The following STARD3NL variants were observed in gnomAD, a reference collection of about 807,000 sequenced individuals.
The protein encoded by STARD3NL is STARD3 N-terminal-like protein.
A neutral mutation model predicts 30.9 loss-of-function variants in STARD3NL; 17 were observed. The ratio of observed to expected loss-of-function variants is 0.55; its 90% CI spans 0.38 to 0.82. The LOEUF is 0.82. STARD3NL is among the 40% of genes least tolerant of loss of function. STARD3NL has a pLI of 0.00. For synonymous variants in STARD3NL, 112 were observed against 100.5 expected (o/e 1.11, Z -0.69); for missense variants, 234 against 277.6 (o/e 0.84, Z 1.12).
In STARD3NL at chr7:38,197,136, T is replaced by TTTCTTTC. The variant is rs1784937316; in HGVS notation, c.-58-10309_-58-10308insCTTTCTT. On this transcript the variant is annotated intron_variant, in intron 1 of 8. Coordinates refer to ENST00000009041, the MANE Select transcript of STARD3NL (RefSeq NM_032016.4). ...TGATCCTGTGAGATAGCATTACCTT[T>TTTCTTTC]TTTCTTTCTTTCTTTCTTTCTTTCT... Among the ~76,000 whole-genome samples the TTTCTTTC allele has an allele frequency of 6.9e-3, 779 of 112,378 alleles. 6 individuals are homozygous for TTTCTTTC. Among genetic ancestry groups the TTTCTTTC allele is most frequent in the East Asian group, 0.046 (180 of 3,922 alleles). 73.7% of individuals were successfully genotyped at this position (112,378 alleles called of 152,430 possible).
intron 8 of STARD3NL, among the ~76,000 whole-genome samples, chr7:38,229,691 A>G (rs10226230): frequency 0.54 from 81,303 of 151,940 alleles, 22,054 homozygotes; most frequent in East Asian, 0.63. Flanking sequence ...CCTCAGCCGC[A>G]TCTCTCCACC....
chr7:38,185,103 C>T (rs1784407817), intron 1 of STARD3NL, among the ~76,000 whole-genome samples: 1 of 151,900 alleles, frequency 6.6e-6, no homozygotes, highest in African/African-American at 2.4e-5. Flanking sequence ...GATTAGTGGT[C>T]TTTGTGTGAT....
Position 38,217,289 on chromosome 7 carries a change from A to G in STARD3NL, c.537A>G (p.Glu179=), listed in dbSNP as rs759719449. 3 of 1,613,950 alleles carry G rather than the reference A, an allele frequency of 1.9e-6. No homozygotes were observed. Among genetic ancestry groups the G allele is most frequent in the South Asian group, 1.1e-5 (1 of 91,074 alleles). The change falls in exon 6 of 9, where the codon GAA becomes GAG. Residue 179 remains glutamate (E), a synonymous_variant. Transcript: ENST00000009041. The part of the protein sequence containing the change: ...WFLDFKVLPQ[E]AEEENRLLIV... The stretch of plus-strand genomic sequence containing the variant: ...TGGATTTCAAAGTGTTACCTCAAGA[A>G]GCAGAAGAAGAAAACAGTAAGTTCC...
At chr7:38,201,134 A>C (rs753105737) in intron 1 of STARD3NL, among the ~76,000 whole-genome samples, 2 of 152,246 alleles carry the variant, frequency 1.3e-5, no homozygotes, top group African/African-American at 2.4e-5. Context: ...AAGAAAAGCA[A>C]GCTCACTCTC....
rs1417888575 is a variant in STARD3NL, at chr7:38,207,605, T to C, written c.101T>C (p.Met34Thr). Reference sequence around the variant, plus strand: ...CATTCCATCAACCCCACACAACTCATGGCCAGGATTGAGTCCTATGAAGGA... The same window carrying C: ...CATTCCATCAACCCCACACAACTCACGGCCAGGATTGAGTCCTATGAAGGA... The part of the protein sequence containing the change: ...NIHSINPTQL[M>T]ARIESYEGRE... Residue 34 changes from methionine to threonine, a missense_variant, in exon 2 of 9, where the codon ATG (methionine) becomes ACG (threonine). Transcript: ENST00000009041. 6.2e-7 allele frequency: 1 copy of C among 1,613,940 alleles called. No individual in the cohort carries two copies. Among genetic ancestry groups the C allele is most frequent in the African/African-American group, 1.3e-5 (1 of 74,912 alleles).
intron 7 of STARD3NL, among the ~76,000 whole-genome samples, chr7:38,223,693 A>C (rs1400876677): frequency 2.6e-5 from 4 of 152,104 alleles, no homozygotes; most frequent in Non-Finnish European, 5.9e-5. Context: ...TGATCACCCT[A>C]TGTGTCGTGA....
At position 38,215,112 on chromosome 7, in the gene STARD3NL, A is replaced by G. The variant is rs1322112066; in HGVS notation, c.381+7A>G. 4 of 1,613,596 alleles carry G rather than the reference A, an allele frequency of 2.5e-6. No homozygotes were observed. ...CCATTGGTGGGCAATAGCGGTGAGT[A>G]TGCCCTGCATGAGTGGGTCATCTCC... On this transcript the variant is annotated splice_region_variant and intron_variant, in intron 4 of 8. Coordinates refer to ENST00000009041, the MANE Select transcript of STARD3NL (RefSeq NM_032016.4).
chr7:38,222,447 A>T (rs1484920948), intron 7 of STARD3NL, among the ~76,000 whole-genome samples: 1 of 152,210 alleles, frequency 6.6e-6, no homozygotes, highest in African/African-American at 2.4e-5. Context: ...TTTCATTGAG[A>T]TGTTTTGTGT....
rs190590179 is a variant in STARD3NL, at chr7:38,206,907, A to G, written c.-58-540A>G. Among the ~76,000 whole-genome samples the G allele has an allele frequency of 3.7e-4, 57 of 152,306 alleles. No homozygotes were observed. The East Asian group carries it at 8.5e-3, about 23-fold the overall frequency. ...ATGCAGCTCCTGAGTAGTTAGGACT[A>G]TAGGCATGTGCTGCCATGCGCAGCT... On this transcript the variant is annotated intron_variant, in intron 1 of 8. Coordinates refer to ENST00000009041, the MANE Select transcript of STARD3NL (RefSeq NM_032016.4).
intron 1 of STARD3NL, among the ~76,000 whole-genome samples, chr7:38,191,630 A>G (rs1275708649): frequency 6.6e-6 from 1 of 152,190 alleles, no homozygotes; most frequent in East Asian, 1.9e-4. Context: ...CACTGTTTGC[A>G]GAAAACAGAC....
intron 7 of STARD3NL, among the ~76,000 whole-genome samples, chr7:38,223,826 A>G (rs1473739627): frequency 3.9e-5 from 6 of 152,230 alleles, no homozygotes; most frequent in Non-Finnish European, 7.3e-5. Context: ...TAATTTGCAT[A>G]TAATAAAACT....
At chr7:38,220,769 C>T (rs751211137) in intron 7 of STARD3NL, among the ~76,000 whole-genome samples, 7 of 152,086 alleles carry the variant, frequency 4.6e-5, no homozygotes, top group African/African-American at 9.7e-5. Flanking sequence ...GGTGGATAAA[C>T]GACATGTATG....
At chr7:38,197,755 C>T (rs989770655) in intron 1 of STARD3NL, among the ~76,000 whole-genome samples, 7 of 152,276 alleles carry the variant, frequency 4.6e-5, no homozygotes, top group African/African-American at 1.4e-4. Flanking sequence ...GATTAGCTTC[C>T]TTCCCACATC....
chr7:38,225,316 T>G (rs1354742134), intron 7 of STARD3NL, among the ~76,000 whole-genome samples: 1 of 152,210 alleles, frequency 6.6e-6, no homozygotes, highest in Non-Finnish European at 1.5e-5. Context: ...TCCTAGAGTC[T>G]TTTGAAGCAC....
intron 7 of STARD3NL, among the ~76,000 whole-genome samples, chr7:38,228,294 G>A (rs1399818329): frequency 6.6e-6 from 1 of 152,180 alleles, no homozygotes; most frequent in East Asian, 1.9e-4. Flanking sequence ...GAATTCCAGA[G>A]CGGAATGACC....
At chr7:38,194,339 G>C (rs989347679) in intron 1 of STARD3NL, among the ~76,000 whole-genome samples, 1 of 152,050 alleles carries the variant, frequency 6.6e-6, no homozygotes, top group African/African-American at 2.4e-5. Context: ...AGGCACAAAA[G>C]TAGAGTTTTT....
At chr7:38,215,871 G>T in intron 4 of STARD3NL, 1 of 152,454 alleles carries the variant, frequency 6.6e-6, no homozygotes, top group Non-Finnish European at 1.5e-5. Context: ...GCTGGGAATA[G>T]GACTTGTGCT....
intron 1 of STARD3NL, among the ~76,000 whole-genome samples, chr7:38,191,808 A>G (rs1784697098): frequency 1.3e-5 from 2 of 152,078 alleles, no homozygotes; most frequent in African/African-American, 2.4e-5. Flanking sequence ...TCTTTAAGCT[A>G]GGTAATGTGT....
chr7:38,205,006 C>A (rs1012747236), intron 1 of STARD3NL, among the ~76,000 whole-genome samples: 1 of 151,984 alleles, frequency 6.6e-6, no homozygotes, highest in Non-Finnish European at 1.5e-5. Flanking sequence ...AGCTTACCAA[C>A]CAAAAAAAGT....
Sources: allele counts gnomAD v4.1 joint callset (sites outside exome capture counted in the v4.1 genomes callset), GRCh38; gene constraint gnomAD v4.1.1; transcripts MANE v1.5; gene names NCBI Gene and HGNC (gene_info 2026-07-23, HGNC 2026-07-21).